Variants in MCM6 observed in about 807,000 individuals in gnomAD.
MCM6 encodes the protein DNA replication licensing factor MCM6.
In MCM6, 46 loss-of-function variants were observed where a neutral mutation model predicts 94.3. The observed-to-expected ratio is 0.49, with a 90% CI of 0.39 to 0.62. MCM6 has a LOEUF of 0.62. MCM6 is among the 20% of genes least tolerant of loss of function. The pLI, the probability that MCM6 is intolerant of heterozygous loss-of-function variation, is 0.00. For missense variants in MCM6, 865 were observed against 1,017.9 expected, an observed-to-expected ratio of 0.85 and a Z score of 2.04; for synonymous variants, 335 against 351.9, an observed-to-expected ratio of 0.95 and a Z score of 0.54.
intron 4 of MCM6, 62 bp from the exon 5 acceptor site, chr2:135,866,790 T>C (rs1234768493): frequency 6.5e-6 from 9 of 1,383,456 alleles, no homozygotes; most frequent in Non-Finnish European, 8.9e-6. Context: ...TGCCATATAA[T>C]CTAAATTAAA....
At chr2:135,843,239 ACT>A (rs1247849554) in intron 16 of MCM6, among the ~76,000 whole-genome samples, 3 of 152,082 alleles carry the variant, frequency 2.0e-5, no homozygotes, top group African/African-American at 7.2e-5. Context: ...GGGAAGAACA[ACT>A]CTGTTTTTGA....
chr2:135,869,005 T>C, intron 3 of MCM6, 145 bp from the exon 4 acceptor site: 1 of 710,684 alleles, frequency 1.4e-6, no homozygotes, highest in Non-Finnish European at 2.3e-6. Context: ...CCTATAAGAA[T>C]AATTTAGTCA....
chr2:135,859,902 C>T (rs371090312), intron 8 of MCM6, among the ~76,000 whole-genome samples: 2 of 151,964 alleles, frequency 1.3e-5, no homozygotes, highest in East Asian at 3.9e-4. Flanking sequence ...CACATGGGTT[C>T]AAGCGATTCT....
At chr2:135,859,775 G>T (rs1679955571) in intron 8 of MCM6, among the ~76,000 whole-genome samples, 1 of 152,008 alleles carries the variant, frequency 6.6e-6, no homozygotes, top group Middle Eastern at 3.4e-3. Flanking sequence ...GCTAATTTTT[G>T]TATTTTCAGA....
At chr2:135,869,564 C>A (rs1273792917) in intron 3 of MCM6, among the ~76,000 whole-genome samples, 1 of 151,474 alleles carries the variant, frequency 6.6e-6, no homozygotes, top group Non-Finnish European at 1.5e-5. Flanking sequence ...CTTTACAAAC[C>A]CATTTTATGT....
chr2:135,847,735 T>C (rs1036028941), intron 14 of MCM6, among the ~76,000 whole-genome samples: 3 of 152,196 alleles, frequency 2.0e-5, no homozygotes, highest in African/African-American at 7.2e-5. Context: ...GGCTAATTTT[T>C]GCATTTTTAG....
intron 16 of MCM6, among the ~76,000 whole-genome samples, 188 bp from the exon 17 acceptor site, chr2:135,841,139 T>A (rs1679562354): frequency 6.6e-6 from 1 of 152,182 alleles, no homozygotes; most frequent in South Asian, 2.1e-4. Context: ...CTGTTCCTAG[T>A]AGGATGCTGA....
At chr2:135,855,664 A>T (rs1356966788) in intron 11 of MCM6, among the ~76,000 whole-genome samples, 1 of 152,214 alleles carries the variant, frequency 6.6e-6, no homozygotes, top group African/African-American at 2.4e-5. Context: ...TCTTTAAAAA[A>T]TAAATAAATA....
At chr2:135,862,282 GTATAAAATTTTATACAAATAATAAA>G in intron 8 of MCM6, among the ~76,000 whole-genome samples, 1 of 13,950 alleles carries the variant, frequency 7.2e-5, no homozygotes, top group Non-Finnish European at 1.7e-4. Flanking sequence ...AATAAAATTT[GTATAAAATTTTATACAAATAATAAA>G]ATTTGTATAA....
chr2:135,859,773 T>C (rs1465312697), intron 8 of MCM6, among the ~76,000 whole-genome samples: 1 of 152,110 alleles, frequency 6.6e-6, no homozygotes, highest in Non-Finnish European at 1.5e-5. Flanking sequence ...TGGCTAATTT[T>C]TGTATTTTCA....
chr2:135,852,688 G>T, intron 12 of MCM6, 99 bp downstream of exon 12: 1 of 860,126 alleles, frequency 1.2e-6, no homozygotes, highest in Non-Finnish European at 1.6e-6. Flanking sequence ...AGGAACTAAG[G>T]TAGATGACAG....
chr2:135,846,010 T>C (rs1679663615), intron 15 of MCM6, among the ~76,000 whole-genome samples: 1 of 152,188 alleles, frequency 6.6e-6, no homozygotes, highest in Non-Finnish European at 1.5e-5. Flanking sequence ...CCCAGAATGT[T>C]AAAAAGAAGG....
intron 11 of MCM6, among the ~76,000 whole-genome samples, chr2:135,853,382 G>A (rs1679811998): frequency 6.6e-6 from 1 of 152,060 alleles, no homozygotes; most frequent in African/African-American, 2.4e-5. Flanking sequence ...AGGTTGAAGG[G>A]GCAGTGAAGC....
At chr2:135,843,862 C>G (rs149654050) in intron 16 of MCM6, among the ~76,000 whole-genome samples, 30 of 152,060 alleles carry the variant, frequency 2.0e-4, no homozygotes, top group Non-Finnish European at 3.7e-4. Context: ...GAGTGATCAA[C>G]TGTGACAAAG....
chr2:135,866,228 C>T lies in MCM6; in HGVS notation c.831G>A (p.Glu277=), dbSNP rs1164378214. 1.2e-6 allele frequency: 2 copies of T among 1,614,190 alleles called. No individual in the cohort carries two copies. Among genetic ancestry groups the T allele is most frequent in the East Asian group, 2.2e-5 (1 of 44,884 alleles). The change falls in exon 6 of 17, where the codon GAG becomes GAA. Residue 277 remains glutamate (E), a synonymous_variant. Coordinates refer to ENST00000264156, the MANE Select transcript of MCM6 (RefSeq NM_005915.6). ...CCCGGAGTCCTCGAATGCCTTCTGT[C>T]TCATATCCATCAACACCACTGACAC... The part of the protein sequence containing the change: ...NSRVSGVDGY[E]TEGIRGLRAL...
Position 135,841,973 on chromosome 2 carries a change from C to T in MCM6, c.2350-1022G>A, listed in dbSNP as rs181833279. Among the ~76,000 whole-genome samples the T allele has an allele frequency of 1.5e-4, 23 of 152,000 alleles. No homozygotes were observed. The East Asian group carries it at 1.5e-3, about 10-fold the overall frequency. On this transcript the variant is annotated intron_variant, in intron 16 of 16. Coordinates refer to ENST00000264156, the MANE Select transcript of MCM6 (RefSeq NM_005915.6). Reference sequence around the variant, plus strand: ...TACAAAAATTAGCTGGGAGTGGTGGCGGGCACCTGTAATCCCAGCTACTCT... The same window carrying T: ...TACAAAAATTAGCTGGGAGTGGTGGTGGGCACCTGTAATCCCAGCTACTCT...
chr2:135,849,040 C>T (rs964316856), intron 13 of MCM6, among the ~76,000 whole-genome samples: 1 of 152,176 alleles, frequency 6.6e-6, no homozygotes, highest in Non-Finnish European at 1.5e-5. Context: ...TAAAGCACTA[C>T]TGAGTGAAAC....
chr2:135,840,982 T>C (rs1298007929), intron 16 of MCM6, 31 bp from the exon 17 acceptor site: 20 of 1,497,184 alleles, frequency 1.3e-5, no homozygotes, highest in Non-Finnish European at 1.9e-5. Flanking sequence ...TCCTCAGGTT[T>C]CAAGCAGTAT....
At chr2:135,862,897 C>T (rs192817520) in intron 7 of MCM6, 149 bp from the exon 8 acceptor site, 7 of 737,640 alleles carry the variant, frequency 9.5e-6, no homozygotes, top group East Asian at 2.7e-5. Flanking sequence ...ACCTGGCTTC[C>T]GATCTTGGTT....
Sources: allele counts gnomAD v4.1 joint callset (sites outside exome capture counted in the v4.1 genomes callset), GRCh38; gene constraint gnomAD v4.1.1; transcripts MANE v1.5; gene names NCBI Gene and HGNC (gene_info 2026-07-23, HGNC 2026-07-21).